SEL1L3: variants seen among roughly 807,000 people sequenced by gnomAD.
SEL1L3 encodes the protein SEL1L family member 3, also known as protein sel-1 homolog 3.
In SEL1L3, 76 loss-of-function variants were observed where a neutral mutation model predicts 142.8. The ratio of observed to expected loss-of-function variants is 0.53; its 90% CI spans 0.44 to 0.64. The LOEUF (loss-of-function observed/expected upper bound fraction) is 0.64. SEL1L3 is among the 30% of genes least tolerant of loss of function. SEL1L3 has a pLI of 0.00. For synonymous variants in SEL1L3, 504 were observed against 519.6 expected (o/e 0.97, Z 0.41); for missense variants, 1,262 against 1,381.7 (o/e 0.91, Z 1.37).
At chr4:25,822,621 A>G (rs577455067) in intron 6 of SEL1L3, among the ~76,000 whole-genome samples, 3 of 152,354 alleles carry the variant, frequency 2.0e-5, no homozygotes, top group African/African-American at 7.2e-5. Context: ...CCAAAAGCGT[A>G]GACTATTAGA....
chr4:25,731,479 G>T, the SEL1L3 span, among the ~76,000 whole-genome samples: 1 of 152,134 alleles, frequency 6.6e-6, no homozygotes. Flanking sequence ...AGTTTGAAAA[G>T]CATCCTTCCC....
chr4:25,861,279 C>T (rs1284934515), intron 1 of SEL1L3, among the ~76,000 whole-genome samples: 2 of 151,826 alleles, frequency 1.3e-5, no homozygotes, highest in South Asian at 2.1e-4. Context: ...ATCTCTTGGG[C>T]AAAAAAATAT....
intron 19 of SEL1L3, among the ~76,000 whole-genome samples, chr4:25,766,418 C>T (rs368363894): frequency 1.0e-4 from 14 of 140,000 alleles, no homozygotes; most frequent in South Asian, 9.1e-4. Context: ...CCAGCCTAGG[C>T]GACACAGCAA....
intron 3 of SEL1L3, among the ~76,000 whole-genome samples, chr4:25,834,113 A>G (rs939374949): frequency 3.3e-5 from 5 of 152,258 alleles, no homozygotes; most frequent in African/African-American, 1.2e-4. Context: ...TAGGTTATTC[A>G]GTATCACGGT....
Position 25,784,221 on chromosome 4 carries a change from G to A in SEL1L3, c.2280+7C>T, listed in dbSNP as rs187565343. On this transcript the variant is annotated splice_region_variant and intron_variant, in intron 14 of 23. Transcript: ENST00000399878. ...ACTGTTTCCCTCTGACAATATGCAT[G>A]TGTTACCTTGGAAGCTGCTTTCTTC... The A allele has an allele frequency of 6.8e-6, 11 of 1,609,714 alleles. No homozygotes were observed. The African/African-American group carries it at 9.3e-5, about 14-fold the overall frequency.
In SEL1L3 at chr4:25,835,163, G is replaced by A. The variant is rs374985924; in HGVS notation, c.860+34C>T. ...CTGGTCCTCAAATAAAACAAGCACC[G>A]CCCGATCAGCTCCCTTCTGCTACCC... On this transcript the variant is annotated intron_variant, in intron 3 of 23. Transcript: ENST00000399878. The A allele has an allele frequency of 4.6e-4, 740 of 1,610,922 alleles. 1 individual carries two copies. Among genetic ancestry groups the A allele is most frequent in the Middle Eastern group, 3.9e-3 (23 of 5,960 alleles).
intron 2 of SEL1L3, 145 bp downstream of exon 2, chr4:25,847,149 A>C (rs1252698766): frequency 1.1e-5 from 7 of 663,788 alleles, no homozygotes; most frequent in Non-Finnish European, 1.5e-5. Flanking sequence ...TTTGTCTTCA[A>C]ACTCCAAAGT....
chr4:25,821,280 C>T (rs1462922316), intron 7 of SEL1L3, among the ~76,000 whole-genome samples: 1 of 152,174 alleles, frequency 6.6e-6, no homozygotes, highest in Non-Finnish European at 1.5e-5. Flanking sequence ...CTGTTTTTCT[C>T]AGAATAAACC....
chr4:25,862,037 C>T (rs1717742457), intron 1 of SEL1L3: 1 of 152,282 alleles, frequency 6.6e-6, no homozygotes, highest in South Asian at 2.1e-4. Flanking sequence ...ATGTTCAAGA[C>T]GCAGCTAAAG....
chr4:25,747,235 C>T (rs1577543939), downstream of SEL1L3, among the ~76,000 whole-genome samples: 2 of 152,128 alleles, frequency 1.3e-5, no homozygotes, highest in East Asian at 1.9e-4. Context: ...CATTCTAAGG[C>T]CAGACCTGAG....
the SEL1L3 span, among the ~76,000 whole-genome samples, chr4:25,740,808 A>G: frequency 6.6e-6 from 1 of 152,044 alleles, no homozygotes; most frequent in Non-Finnish European, 1.5e-5. Flanking sequence ...TTCCTGAGAT[A>G]AGAGTCTTGC....
chr4:25,816,160 T>C (rs1714379764), intron 9 of SEL1L3, among the ~76,000 whole-genome samples: 1 of 147,870 alleles, frequency 6.8e-6, no homozygotes, highest in African/African-American at 2.5e-5. Flanking sequence ...ATTATATATG[T>C]ATATTATATA....
the SEL1L3 span, among the ~76,000 whole-genome samples, chr4:25,728,372 T>C: frequency 6.6e-6 from 1 of 152,118 alleles, no homozygotes; most frequent in Non-Finnish European, 1.5e-5. Flanking sequence ...CCTTCACAGA[T>C]AATTTCCTGG....
At chr4:25,814,407 C>T (rs559370722) in intron 9 of SEL1L3, among the ~76,000 whole-genome samples, 7 of 152,310 alleles carry the variant, frequency 4.6e-5, no homozygotes, top group Non-Finnish European at 7.3e-5. Context: ...TTTGTTACCA[C>T]GCCTATTCAG....
chr4:25,763,634 G>C lies in SEL1L3; in HGVS notation c.2955+1692C>G, dbSNP rs562448234. Among the ~76,000 whole-genome samples the C allele has an allele frequency of 4.1e-4, 63 of 152,252 alleles. No individual in the cohort carries two copies. The South Asian group carries it at 0.013, about 31-fold the overall frequency. ...AGGCCAAGGTGGGCAGATCACTTGA[G>C]CCCAGGAATTCAAGCCCAGCCTGGG... On this transcript the variant is annotated intron_variant, in intron 20 of 23. Coordinates refer to ENST00000399878, the MANE Select transcript of SEL1L3 (RefSeq NM_015187.5).
At chr4:25,819,783 A>G in intron 8 of SEL1L3, 25 bp downstream of exon 8, 1 of 1,598,698 alleles carries the variant, frequency 6.3e-7, no homozygotes, top group Non-Finnish European at 8.5e-7. Context: ...AGCTTAAAAC[A>G]GCTCCCCTGA....
At position 25,782,378 on chromosome 4, in the gene SEL1L3, T is replaced by A. The variant is rs1299634462; in HGVS notation, c.2321A>T (p.His774Leu). The A allele has an allele frequency of 6.2e-7, 1 of 1,613,908 alleles. No homozygotes were observed. Among genetic ancestry groups the A allele is most frequent in the East Asian group, 2.2e-5 (1 of 44,884 alleles). The stretch of plus-strand genomic sequence containing the variant: ...TTTGGCGTAATTTTTCTTGAATTTG[T>A]GGTAATACCATCCCAGGCCATTGAC... ...QAVNGLGWYY[H>L]KFKKNYAKAA... The change falls in exon 15 of 24, where the codon CAC becomes CTC. Residue 774 changes from histidine (H) to leucine (L), a missense_variant. This residue lies in a region of SEL1L3 where 435 missense variants were observed against 559.2 expected (regional missense o/e 0.78). Transcript: ENST00000399878.
intron 20 of SEL1L3, chr4:25,759,743 C>G (rs1054841549): frequency 1.3e-5 from 2 of 152,262 alleles, no homozygotes; most frequent in African/African-American, 4.8e-5. Flanking sequence ...CAAAGACATG[C>G]TTCATAAAGG....
intron 12 of SEL1L3, among the ~76,000 whole-genome samples, 154 bp downstream of exon 12, chr4:25,790,301 C>A (rs530098695): frequency 6.6e-6 from 1 of 152,256 alleles, no homozygotes; most frequent in Admixed American, 6.5e-5. Flanking sequence ...ACAACTATGG[C>A]CTGCCCCTGA....
Sources: allele counts gnomAD v4.1 joint callset (sites outside exome capture counted in the v4.1 genomes callset), GRCh38; gene constraint gnomAD v4.1.1; regional missense constraint gnomAD v4.1.1; transcripts MANE v1.5; gene names NCBI Gene and HGNC (gene_info 2026-07-23, HGNC 2026-07-21).